Variants in NRXN1 observed in about 807,000 individuals in gnomAD.
NRXN1 encodes neurexin 1, also known as neurexin-1.
Under a neutral mutation model 150.9 loss-of-function variants are expected in NRXN1, and 39 were observed. The observed-to-expected ratio is 0.26, with a 90% CI of 0.20 to 0.34. NRXN1 has a LOEUF of 0.34. NRXN1 is among the 10% of genes least tolerant of loss of function. The pLI is 1.00. For synonymous variants in NRXN1, 924 were observed against 757.0 expected (o/e 1.22, Z -3.62); for missense variants, 1,815 against 1,949.9 (o/e 0.93, Z 1.30).
chr2:50,905,060 T>C (rs572056923), intron 5 of NRXN1, among the ~76,000 whole-genome samples: 3 of 152,126 alleles, frequency 2.0e-5, no homozygotes, highest in Admixed American at 6.6e-5. Flanking sequence ...CTAATGAAAT[T>C]GTAAATCTAG....
chr2:50,497,776 T>C, intron 13 of NRXN1, 62 bp from the exon 14 acceptor site: 1 of 1,464,954 alleles, frequency 6.8e-7, no homozygotes, highest in African/African-American at 1.4e-5. Context: ...AACTTTAGGC[T>C]TTCATAACAA....
intron 9 of NRXN1, among the ~76,000 whole-genome samples, chr2:50,539,231 A>T (rs943988586): frequency 1.4e-4 from 21 of 152,230 alleles, no homozygotes; most frequent in Non-Finnish European, 1.0e-4. Context: ...AGTTGCTCTT[A>T]GTGTTAAACA....
chr2:50,669,801 T>A (rs1559101677), intron 5 of NRXN1, among the ~76,000 whole-genome samples: 2 of 145,434 alleles, frequency 1.4e-5, no homozygotes, highest in African/African-American at 2.6e-5. Context: ...CCACAGCTAC[T>A]CAAAATAAAT....
At chr2:50,713,066 A>C (rs535338751) in intron 5 of NRXN1, among the ~76,000 whole-genome samples, 2 of 152,282 alleles carry the variant, frequency 1.3e-5, no homozygotes, top group East Asian at 3.9e-4. Flanking sequence ...TAATCTCAGC[A>C]GTTTGAAAGG....
intron 19 of NRXN1, among the ~76,000 whole-genome samples, chr2:50,057,308 A>C (rs1222566423): frequency 6.6e-5 from 10 of 152,046 alleles, no homozygotes; most frequent in Admixed American, 6.6e-4. Flanking sequence ...GGGACTTTGC[A>C]CATGTAGCTT....
At chr2:50,414,452 TA>T (rs2083401080) in intron 17 of NRXN1, among the ~76,000 whole-genome samples, 1 of 152,130 alleles carries the variant, frequency 6.6e-6, no homozygotes, top group African/African-American at 2.4e-5. Context: ...ACCTACTATA[TA>T]CACACAAAAA....
intron 21 of NRXN1, among the ~76,000 whole-genome samples, chr2:49,944,427 T>G (rs566661428): frequency 9.9e-5 from 15 of 152,202 alleles, no homozygotes; most frequent in Non-Finnish European, 2.1e-4. Flanking sequence ...CATCATCCCT[T>G]TCATCATTAT....
chr2:50,765,017 G>A (rs1299313871), intron 5 of NRXN1, among the ~76,000 whole-genome samples: 2 of 151,946 alleles, frequency 1.3e-5, no homozygotes, highest in African/African-American at 4.8e-5. Context: ...GAAACTGAAC[G>A]CTTAGTACTT....
chr2:50,389,539 ATTCTTTGTCTT>A (rs1205202615), intron 17 of NRXN1, among the ~76,000 whole-genome samples: 2 of 151,882 alleles, frequency 1.3e-5, no homozygotes, highest in Non-Finnish European at 2.9e-5. Context: ...TCTAATACTG[ATTCTTTGTCTT>A]TTCTCTCTTC....
rs187073557 is a variant in NRXN1, at chr2:49,999,340, A to C, written c.4128+53931T>G. Among the ~76,000 whole-genome samples, 348 of 152,244 alleles carry C rather than the reference A, an allele frequency of 2.3e-3. 1 individual carries two copies. Among genetic ancestry groups the C allele is most frequent in the Non-Finnish European group, 3.1e-3 (210 of 68,014 alleles). Reference sequence around the variant, plus strand: ...ATATCCCTGACACCACCACATAAACATATTTCCCTTCTCTATACTAATATA... The same window carrying C: ...ATATCCCTGACACCACCACATAAACCTATTTCCCTTCTCTATACTAATATA... On this transcript the variant is annotated intron_variant, in intron 21 of 22. Coordinates refer to ENST00000401669, the MANE Select transcript of NRXN1 (RefSeq NM_001330078.2).
At chr2:50,367,911 G>A (rs1328918621) in intron 17 of NRXN1, among the ~76,000 whole-genome samples, 1 of 151,944 alleles carries the variant, frequency 6.6e-6, no homozygotes, top group African/African-American at 2.4e-5. Flanking sequence ...TATTAAGTTT[G>A]ATGTACACAT....
intron 17 of NRXN1, among the ~76,000 whole-genome samples, chr2:50,433,076 C>T (rs970797305): frequency 5.3e-5 from 8 of 152,170 alleles, no homozygotes; most frequent in Non-Finnish European, 1.2e-4. Context: ...CCCTTCATTG[C>T]CAGAAACAAG....
In NRXN1 at chr2:50,333,214, C is replaced by A. The variant is rs190957440; in HGVS notation, c.3365-96244G>T. Among the ~76,000 whole-genome samples, 12 of 152,260 alleles carry A rather than the reference C, an allele frequency of 7.9e-5. No individual in the cohort carries two copies. The East Asian group carries it at 1.9e-3, about 25-fold the overall frequency. On this transcript the variant is annotated intron_variant, in intron 17 of 22. Coordinates refer to ENST00000401669, the MANE Select transcript of NRXN1 (RefSeq NM_001330078.2). ...GTGGGTGGCAATAGCAGCCCTGGAG[C>A]CTTCAAACCAGCTTATGGGGTTATA...
At chr2:50,819,468 A>G (rs1399214528) in intron 5 of NRXN1, among the ~76,000 whole-genome samples, 1 of 152,146 alleles carries the variant, frequency 6.6e-6, no homozygotes, top group Non-Finnish European at 1.5e-5. Context: ...TGAGGTACCT[A>G]AAATGATCAA....
At chr2:50,275,233 T>C (rs919209639) in intron 17 of NRXN1, among the ~76,000 whole-genome samples, 3 of 152,148 alleles carry the variant, frequency 2.0e-5, no homozygotes, top group Admixed American at 1.3e-4. Flanking sequence ...AGTCACAGAA[T>C]AAACCAAGTC....
chr2:50,411,624 C>T (rs2548347), intron 17 of NRXN1, among the ~76,000 whole-genome samples: 27,471 of 151,284 alleles, frequency 0.18, 4,468 homozygotes, highest in African/African-American at 0.41. Context: ...AGGTGAGGAG[C>T]GTCTCTGACC....
At position 49,919,828 on chromosome 2, in the gene NRXN1, G is replaced by T. The variant is rs1255015018; in HGVS notation, c.*2116C>A. Reference sequence around the variant, plus strand: ...TGGCAACCATAGATAGTGGTGATTTGCTATGAATTATACATATTTCTAAGG... The same window carrying T: ...TGGCAACCATAGATAGTGGTGATTTTCTATGAATTATACATATTTCTAAGG... On this transcript the variant is annotated 3_prime_UTR_variant, in exon 23 of 23. Coordinates refer to ENST00000401669, the MANE Select transcript of NRXN1 (RefSeq NM_001330078.2). The T allele has an allele frequency of 6.6e-6, 1 of 152,036 alleles. No homozygotes were observed. The highest frequency in any genetic ancestry group is 1.5e-5 in the Non-Finnish European group (1 of 67,964). The allele number at this position is 152,036 out of a possible 1,614,324, so 9.4% of individuals were successfully genotyped here.
At chr2:50,864,326 G>C (rs2106050817) in intron 5 of NRXN1, among the ~76,000 whole-genome samples, 2 of 152,054 alleles carry the variant, frequency 1.3e-5, no homozygotes, top group South Asian at 4.1e-4. Flanking sequence ...ACACACACAT[G>C]AACTTCAGCC....
chr2:50,280,726 T>C (rs943043061), intron 17 of NRXN1, among the ~76,000 whole-genome samples: 6 of 152,102 alleles, frequency 3.9e-5, no homozygotes, highest in Non-Finnish European at 8.8e-5. Context: ...GGCGCTCTAA[T>C]TGATAGCTTG....
Sources: gnomAD v4.1 joint callset for allele counts (sites outside exome capture counted in the v4.1 genomes callset) on GRCh38, gnomAD v4.1.1 for gene constraint, MANE v1.5 for transcripts, NCBI Gene and HGNC (gene_info 2026-07-23, HGNC 2026-07-21) for gene names.